Variants in DENND1A observed in about 807,000 individuals in gnomAD.
The protein encoded by DENND1A is DENN domain-containing protein 1A.
In DENND1A, 51 loss-of-function variants were observed where a neutral mutation model predicts 113.7. The observed-to-expected ratio is 0.45, with a 90% CI of 0.36 to 0.57. The LOEUF is 0.57. Ranked by LOEUF, DENND1A falls within the 20% of genes least tolerant of loss-of-function variation. DENND1A has a pLI of 0.00. For synonymous variants in DENND1A, 565 were observed against 570.8 expected (o/e 0.99, Z 0.14); for missense variants, 1,258 against 1,395.9 (o/e 0.90, Z 1.57).
intron 2 of DENND1A, among the ~76,000 whole-genome samples, chr9:123,804,530 T>A (rs1835220802): frequency 6.6e-6 from 1 of 152,210 alleles, no homozygotes; most frequent in Non-Finnish European, 1.5e-5. Context: ...GCTGGTCCTC[T>A]TTCAGTCCCA....
intron 13 of DENND1A, among the ~76,000 whole-genome samples, chr9:123,548,065 AC>A (rs748219540): frequency 2.3e-4 from 35 of 152,314 alleles, no homozygotes; most frequent in Non-Finnish European, 4.0e-4. Flanking sequence ...CTAGTAGATG[AC>A]AGAACTAGAA....
intron 8 of DENND1A, among the ~76,000 whole-genome samples, chr9:123,654,830 G>A (rs1386107251): frequency 1.3e-5 from 2 of 152,136 alleles, no homozygotes; most frequent in African/African-American, 4.8e-5. Flanking sequence ...GGAGTGGGTG[G>A]GAGTGCCAAC....
Position 123,382,512 on chromosome 9 carries a change from G to C in DENND1A, c.2133C>G (p.Ser711Arg). The C allele has an allele frequency of 6.2e-7, 1 of 1,614,078 alleles. No individual in the cohort carries two copies. Among genetic ancestry groups the C allele is most frequent in the Non-Finnish European group, 8.5e-7 (1 of 1,179,982 alleles). Residue 711 changes from serine (S) to arginine (R), a missense_variant, in exon 24 of 24, where the codon AGC becomes AGG. By Grantham distance (110) the Ser-to-Arg change is moderately radical. Coordinates refer to ENST00000394215, the MANE Select transcript of DENND1A (RefSeq NM_001352964.2). ...SLGQDDMAIPSKPPAASPEKP... is the reference protein window; with the variant it reads ...SLGQDDMAIPRKPPAASPEKP... ...TCTCAGGGGAGGCAGCTGGGGGCTTGCTGGGGATGGCCATGTCGTCCTGGC... is the reference window on the plus strand; with the variant it reads ...TCTCAGGGGAGGCAGCTGGGGGCTTCCTGGGGATGGCCATGTCGTCCTGGC...
chr9:123,582,798 C>T (rs192378920), intron 12 of DENND1A, among the ~76,000 whole-genome samples: 175 of 152,262 alleles, frequency 1.1e-3, no homozygotes, highest in Non-Finnish European at 1.7e-3. Context: ...CTCCCGGGTT[C>T]AAGTGATTCT....
At chr9:123,816,483 C>T (rs757757968) in intron 2 of DENND1A, among the ~76,000 whole-genome samples, 14 of 152,202 alleles carry the variant, frequency 9.2e-5, no homozygotes, top group Non-Finnish European at 1.6e-4. Flanking sequence ...TTAAATGCTG[C>T]GGATGAAGTT....
chr9:123,604,894 C>A (rs2060084997), intron 11 of DENND1A, among the ~76,000 whole-genome samples: 1 of 152,162 alleles, frequency 6.6e-6, no homozygotes, highest in South Asian at 2.1e-4. Flanking sequence ...AGAAGTAAAA[C>A]CAGCAAGGAT....
chr9:123,640,624 CG>C, intron 9 of DENND1A, among the ~76,000 whole-genome samples: 1 of 152,338 alleles, frequency 6.6e-6, no homozygotes, highest in Non-Finnish European at 1.5e-5. Context: ...AGAGTCAAAT[CG>C]GGGTTTATGG....
chr9:123,383,744 C>T lies in DENND1A; in HGVS notation c.1930G>A (p.Ala644Thr), dbSNP rs369779021. 20 of 1,614,002 alleles carry T rather than the reference C, an allele frequency of 1.2e-5. No homozygotes were observed. Among genetic ancestry groups the T allele is most frequent in the African/African-American group, 6.7e-5 (5 of 74,944 alleles). Residue 644 changes from alanine to threonine, a missense_variant, in exon 23 of 24, where the codon GCA becomes ACA. Physicochemically the swap from Ala to Thr is moderately conservative, Grantham distance 58. This residue lies in a region of DENND1A where 1,159 missense variants were observed against 1,231.7 expected (regional missense o/e 0.94). Transcript: ENST00000394215. ...DVFSNLDMEA[A>T]LQPLGQAKSL... Reference sequence around the variant, plus strand: ...TTGGCCTGGCCCAGTGGCTGCAGTGCGGCCTCCATGTCCAGGTTGCTGAAG... The same window carrying T: ...TTGGCCTGGCCCAGTGGCTGCAGTGTGGCCTCCATGTCCAGGTTGCTGAAG...
chr9:123,565,376 G>A (rs933142318), intron 12 of DENND1A, among the ~76,000 whole-genome samples: 2 of 152,232 alleles, frequency 1.3e-5, no homozygotes, highest in African/African-American at 2.4e-5. Flanking sequence ...CTCATTGAGA[G>A]GTACAGTTCT....
At chr9:123,565,111 C>A (rs1224076067) in intron 12 of DENND1A, among the ~76,000 whole-genome samples, 1 of 151,492 alleles carries the variant, frequency 6.6e-6, no homozygotes, top group Non-Finnish European at 1.5e-5. Flanking sequence ...CCTGCCTCAG[C>A]CTCCTGAGTA....
intron 2 of DENND1A, among the ~76,000 whole-genome samples, chr9:123,838,394 T>C (rs1000317901): frequency 2.6e-5 from 4 of 152,134 alleles, no homozygotes; most frequent in Admixed American, 1.3e-4. Context: ...TATACATATA[T>C]ATAAAGCAAA....
At position 123,379,823 on chromosome 9, in the gene DENND1A, C is replaced by G. The variant is rs1004297727; in HGVS notation, c.*1609G>C. On this transcript the variant is annotated 3_prime_UTR_variant, in exon 24 of 24. Coordinates refer to ENST00000394215, the MANE Select transcript of DENND1A (RefSeq NM_001352964.2). Reference sequence around the variant, plus strand: ...TACACACCCTCCTTCCCTGGGGCCGCCAGCACCTCCTCTGCCCTATCCCGG... The same window carrying G: ...TACACACCCTCCTTCCCTGGGGCCGGCAGCACCTCCTCTGCCCTATCCCGG... 6.6e-6 allele frequency: 1 copy of G among 152,606 alleles called. No homozygotes were observed. The highest frequency in any genetic ancestry group is 1.5e-5 in the Non-Finnish European group (1 of 68,340). The allele number at this position is 152,606 out of a possible 1,614,324, so 9.5% of individuals were successfully genotyped here.
At chr9:123,718,010 C>G (rs2067094778) in intron 5 of DENND1A, among the ~76,000 whole-genome samples, 1 of 152,220 alleles carries the variant, frequency 6.6e-6, no homozygotes, top group Non-Finnish European at 1.5e-5. Context: ...CTCCTGTTTT[C>G]TGGGAAACTA....
intron 18 of DENND1A, among the ~76,000 whole-genome samples, chr9:123,450,380 G>A (rs1467822660): frequency 1.3e-5 from 2 of 152,222 alleles, no homozygotes; most frequent in Non-Finnish European, 2.9e-5. Flanking sequence ...GTGCCAGATG[G>A]GAACACCAAG....
chr9:123,642,570 T>C (rs755347448), intron 9 of DENND1A, among the ~76,000 whole-genome samples: 6 of 152,282 alleles, frequency 3.9e-5, no homozygotes, highest in Non-Finnish European at 5.9e-5. Flanking sequence ...AACACAATGT[T>C]CGATTTATTT....
chr9:123,813,768 T>A lies in DENND1A; in HGVS notation c.89-21138A>T, dbSNP rs1411813628. On this transcript the variant is annotated intron_variant, in intron 2 of 23. Transcript: ENST00000394215. ...TTTCTACCAGCTTTTTTAATACTCA[T>A]AAGATACCAAGTTTTAAGAGAGTTT... Among the ~76,000 whole-genome samples the A allele has an allele frequency of 2.0e-5, 3 of 152,184 alleles. No individual in the cohort carries two copies. The South Asian group carries it at 6.2e-4, about 31-fold the overall frequency.
At chr9:123,558,354 A>G (rs1440784435) in intron 12 of DENND1A, among the ~76,000 whole-genome samples, 2 of 152,218 alleles carry the variant, frequency 1.3e-5, no homozygotes, top group Admixed American at 1.3e-4. Flanking sequence ...AGGCTTATTT[A>G]TATTTCTCAC....
intron 19 of DENND1A, among the ~76,000 whole-genome samples, chr9:123,424,766 G>A (rs1361467535): frequency 6.6e-6 from 1 of 152,232 alleles, no homozygotes; most frequent in Admixed American, 6.5e-5. Context: ...GCTATCTGGG[G>A]ATCATCATAA....
At chr9:123,910,454 A>T (rs1853748580) in intron 1 of DENND1A, among the ~76,000 whole-genome samples, 1 of 152,260 alleles carries the variant, frequency 6.6e-6, no homozygotes, top group Non-Finnish European at 1.5e-5. Context: ...TATATCATAC[A>T]TAAAAATTCA....
Sources: allele counts gnomAD v4.1 joint callset (sites outside exome capture counted in the v4.1 genomes callset), GRCh38; gene constraint gnomAD v4.1.1; regional missense constraint gnomAD v4.1.1; transcripts MANE v1.5; gene names NCBI Gene and HGNC (gene_info 2026-07-23, HGNC 2026-07-21).